The following HHIP variants were observed in gnomAD, a reference collection of about 807,000 sequenced individuals.
The protein encoded by HHIP is hedgehog interacting protein.
HHIP carries 12 observed loss-of-function variants against 74.0 expected under a neutral mutation model. The ratio of observed to expected loss-of-function variants is 0.16; its 90% confidence interval spans 0.10 to 0.26. HHIP has a LOEUF of 0.26. Ranked by LOEUF, HHIP falls within the 10% of genes least tolerant of loss-of-function variation. HHIP has a pLI of 1.00. For missense variants in HHIP, 788 were observed against 845.0 expected, an observed-to-expected ratio of 0.93 and a Z score of 0.84; for synonymous variants, 309 against 311.6, an observed-to-expected ratio of 0.99 and a Z score of 0.09.
chr4:144,694,221 A>G (rs113241992), intron 4 of HHIP, among the ~76,000 whole-genome samples: 3,114 of 152,008 alleles, frequency 0.02, 108 homozygotes, highest in African/African-American at 0.07. Flanking sequence ...TAATTGTTAT[A>G]TGACCTTGAA....
chr4:144,672,398 A>G (rs1196224404), intron 4 of HHIP, among the ~76,000 whole-genome samples: 1 of 152,204 alleles, frequency 6.6e-6, no homozygotes, highest in Non-Finnish European at 1.5e-5. Context: ...GAAACAGGGA[A>G]GCAAATTTTC....
chr4:144,681,390 G>A (rs946640743), intron 4 of HHIP, among the ~76,000 whole-genome samples: 2 of 148,938 alleles, frequency 1.3e-5, no homozygotes, highest in African/African-American at 4.9e-5. Flanking sequence ...AGAGCTTCTT[G>A]GACTTCAAAA....
At chr4:144,731,076 GTTTA>G (rs1730942016) in intron 11 of HHIP, among the ~76,000 whole-genome samples, 1 of 152,058 alleles carries the variant, frequency 6.6e-6, no homozygotes, top group Non-Finnish European at 1.5e-5. Context: ...TTTAAGACAA[GTTTA>G]TTTAGGCAAT....
chr4:144,659,004 T>C (rs911736790), intron 3 of HHIP, 58 bp downstream of exon 3: 2 of 1,438,946 alleles, frequency 1.4e-6, no homozygotes, highest in Non-Finnish European at 9.5e-7. Flanking sequence ...ACAAATCTTG[T>C]GGTTTTGACA....
At chr4:144,668,291 G>A (rs1728933130) in intron 4 of HHIP, among the ~76,000 whole-genome samples, 1 of 150,148 alleles carries the variant, frequency 6.7e-6, no homozygotes, top group Non-Finnish European at 1.5e-5. Context: ...CACTGCACTC[G>A]AGCCCGGGTG....
chr4:144,708,109 A>G, intron 6 of HHIP, 59 bp from the exon 7 acceptor site: 1 of 1,552,340 alleles, frequency 6.4e-7, no homozygotes. Context: ...ACCATATTTA[A>G]TATAGGTGAA....
rs1284746676 is a variant in HHIP at position 144,646,901 on chromosome 4, C to T, written c.226C>T (p.Leu76=). The T allele has an allele frequency of 1.9e-6, 3 of 1,613,758 alleles. No individual in the cohort carries two copies. ...EMLCGGFYPR[L]SCCLRSDSPG... ...GCTGTGCGGTGGCTTCTACCCTCGGCTGTCCTGCTGCCTGCGGAGTGACAG... is the reference window on the plus strand; with the variant it reads ...GCTGTGCGGTGGCTTCTACCCTCGGTTGTCCTGCTGCCTGCGGAGTGACAG... The change falls in exon 1 of 13, where the codon CTG becomes TTG. Residue 76 remains leucine, a synonymous_variant. Transcript: ENST00000296575.
chr4:144,741,631 C>G lies in HHIP; in HGVS notation c.*3674C>G, dbSNP rs1000701039. 3 of 152,060 alleles carry G rather than the reference C, an allele frequency of 2.0e-5. No homozygotes were observed. The highest frequency in any genetic ancestry group is 4.2e-4 in the South Asian group (2 of 4,818). The allele number at this position is 152,060 out of a possible 1,614,324, so 9.4% of individuals were successfully genotyped here. On this transcript the variant is annotated 3_prime_UTR_variant, in exon 13 of 13. Transcript: ENST00000296575. ...TCCAGACTTCAAGTGATCCAGCCCC[C>G]CAGGCCTCCCAAAGTGCTAGGATTA...
At chr4:144,672,766 A>G (rs1476729688) in intron 4 of HHIP, among the ~76,000 whole-genome samples, 1 of 152,158 alleles carries the variant, frequency 6.6e-6, no homozygotes, top group Non-Finnish European at 1.5e-5. Context: ...CAGTGGCACA[A>G]TCTCGGCTTA....
intron 7 of HHIP, among the ~76,000 whole-genome samples, chr4:144,710,474 T>C (rs1333305741): frequency 2.0e-5 from 3 of 152,212 alleles, no homozygotes; most frequent in African/African-American, 7.2e-5. Context: ...ATGTTTTGTT[T>C]TTTGTTTGTT....
chr4:144,682,125 A>G (rs923294909), intron 4 of HHIP, among the ~76,000 whole-genome samples: 1 of 152,208 alleles, frequency 6.6e-6, no homozygotes, highest in African/African-American at 2.4e-5. Flanking sequence ...AGTGATAGTG[A>G]TTAGAACAGC....
chr4:144,646,433 T>C lies in HHIP; in HGVS notation c.-243T>C, dbSNP rs545346424. The C allele has an allele frequency of 4.5e-6, 2 of 445,842 alleles. No homozygotes were observed. Among genetic ancestry groups the C allele is most frequent in the South Asian group, 4.7e-5 (1 of 21,240 alleles). 27.6% of individuals were successfully genotyped at this position (445,842 alleles called of 1,614,324 possible). ...CTGACACTGGCACAACTGCAAACGG[T>C]GTCATCCGCACAACTTTATCTCGCT... On this transcript the variant is annotated 5_prime_UTR_variant, in exon 1 of 13. Transcript: ENST00000296575.
Position 144,742,913 on chromosome 4 carries a change from C to CT in HHIP, c.*4958dup, listed in dbSNP as rs1731293464. On this transcript the variant is annotated 3_prime_UTR_variant, in exon 13 of 13. Transcript: ENST00000296575. ...TATATATATATCTTTTTATATATAT[C>CT]TTATATATATATCTTTATATATATC... 1.9e-5 allele frequency: 2 copies of CT among 103,206 alleles called. No homozygotes were observed. Among genetic ancestry groups the CT allele is most frequent in the Admixed American group, 1.1e-4 (1 of 9,500 alleles). The allele number at this position is 103,206 out of a possible 1,614,324, so 6.4% of individuals were successfully genotyped here. A position where few individuals can be genotyped will look rare whatever the true frequency, so the allele number is the denominator to read the frequency against.
intron 1 of HHIP, chr4:144,650,775 C>T (rs1728397587): frequency 6.6e-6 from 1 of 152,066 alleles, no homozygotes; most frequent in Admixed American, 6.6e-5. Flanking sequence ...TTATTGAATC[C>T]TACTTCTGAA....
intron 12 of HHIP, among the ~76,000 whole-genome samples, chr4:144,735,426 G>A (rs552671460): frequency 1.3e-4 from 20 of 152,188 alleles, no homozygotes; most frequent in African/African-American, 4.8e-4. Context: ...CCACTCCCCT[G>A]TGAACCATCA....
intron 4 of HHIP, among the ~76,000 whole-genome samples, chr4:144,671,330 T>C (rs1169280546): frequency 6.6e-6 from 1 of 151,976 alleles, no homozygotes; most frequent in Non-Finnish European, 1.5e-5. Flanking sequence ...TTTTTTTTTT[T>C]TTCTTAAGAT....
At chr4:144,683,455 TG>T (rs1729399230) in intron 4 of HHIP, among the ~76,000 whole-genome samples, 1 of 152,228 alleles carries the variant, frequency 6.6e-6, no homozygotes, top group African/African-American at 2.4e-5. Flanking sequence ...AAGACCACTG[TG>T]TTTAAATGGT....
chr4:144,686,238 C>T (rs939806645), intron 4 of HHIP, among the ~76,000 whole-genome samples: 3 of 152,058 alleles, frequency 2.0e-5, no homozygotes, highest in South Asian at 2.1e-4. Context: ...TAATTAAGTT[C>T]GGTATCCTCC....
At chr4:144,672,541 G>T (rs1247358009) in intron 4 of HHIP, among the ~76,000 whole-genome samples, 2 of 152,134 alleles carry the variant, frequency 1.3e-5, no homozygotes, top group African/African-American at 4.8e-5. Flanking sequence ...GCAGAGTTGA[G>T]CATCTGTGTG....
Sources: gnomAD v4.1 joint callset for allele counts (sites outside exome capture counted in the v4.1 genomes callset) on GRCh38, gnomAD v4.1.1 for gene constraint, MANE v1.5 for transcripts, NCBI Gene and HGNC (gene_info 2026-07-23, HGNC 2026-07-21) for gene names.